Variants in KCNMB1 observed in about 807,000 individuals in gnomAD.
KCNMB1 encodes calcium-activated potassium channel subunit beta-1.
Under a neutral mutation model 21.7 loss-of-function variants are expected in KCNMB1, and 22 were observed. That is an observed-to-expected ratio of 1.01 (90% confidence interval 0.72 to 1.45). The LOEUF (loss-of-function observed/expected upper bound fraction) is 1.45. Ranked by LOEUF, KCNMB1 falls within the 40% of genes most tolerant of loss-of-function variation. KCNMB1 has a pLI of 0.00. For synonymous variants in KCNMB1, 114 were observed against 107.6 expected (o/e 1.06, Z -0.37); for missense variants, 243 against 243.4 (o/e 1.00, Z 0.01).
rs1366552447 is a variant in KCNMB1, at chr5:170,383,673, C to T, written c.306+6G>A. 1 of 1,614,124 alleles carries T rather than the reference C, an allele frequency of 6.2e-7. No individual in the cohort carries two copies. Among genetic ancestry groups the T allele is most frequent in the Admixed American group, 1.7e-5 (1 of 60,018 alleles). ...GGGATGTGTCCCCATCCCTCCAGTTCAGTACCTGCTGGTTCTGGTCCCGAG... is the reference window on the plus strand; with the variant it reads ...GGGATGTGTCCCCATCCCTCCAGTTTAGTACCTGCTGGTTCTGGTCCCGAG... On this transcript the variant is annotated splice_donor_region_variant and intron_variant, in intron 3 of 3. Coordinates refer to ENST00000274629, the MANE Select transcript of KCNMB1 (RefSeq NM_004137.4).
rs1035501533 is a variant in KCNMB1 at position 170,376,538 on chromosome 5, C to T, written c.*2166G>A. On this transcript the variant is annotated 3_prime_UTR_variant, in exon 4 of 4. Transcript: ENST00000274629. Reference sequence around the variant, plus strand: ...CTCCTACCTCCCGCCCTCCAATAGGCCTCAGTGTGTGTTGTTCCCCTCTTT... The same window carrying T: ...CTCCTACCTCCCGCCCTCCAATAGGTCTCAGTGTGTGTTGTTCCCCTCTTT... 6 of 152,100 alleles carry T rather than the reference C, an allele frequency of 3.9e-5. No individual in the cohort carries two copies. The highest frequency in any genetic ancestry group is 1.4e-4 in the African/African-American group (6 of 41,388). The allele number at this position is 152,100 out of a possible 1,614,324, so 9.4% of individuals were successfully genotyped here.
chr5:170,383,335 A>G, intron 3 of KCNMB1: 4 of 567,662 alleles, frequency 7.0e-6, no homozygotes, highest in East Asian at 5.7e-5. Flanking sequence ...TTGAGTGCCC[A>G]CTATCCACTC....
chr5:170,380,973 A>G (rs561621704), intron 3 of KCNMB1, among the ~76,000 whole-genome samples: 40 of 152,376 alleles, frequency 2.6e-4, no homozygotes, highest in African/African-American at 9.1e-4. Flanking sequence ...TAAGAACTCA[A>G]AAAAGTGGAA....
chr5:170,385,253 T>C, intron 2 of KCNMB1, 61 bp downstream of exon 2: 1 of 1,596,506 alleles, frequency 6.3e-7, no homozygotes, highest in Non-Finnish European at 8.6e-7. Context: ...CCAGGGTTCC[T>C]TACAGATGCC....
Position 170,383,786 on chromosome 5 carries a change from T to G in KCNMB1, c.199A>C (p.Lys67Gln). Residue 67 changes from lysine to glutamine, a missense_variant, in exon 3 of 4, where the codon AAG becomes CAG. Lys to Gln is a moderately conservative substitution (Grantham distance 53). Coordinates refer to ENST00000274629, the MANE Select transcript of KCNMB1 (RefSeq NM_004137.4). ...GGGTACTGGGGCACCTTCTTGCCCTTCAGCTCCTCCTGGTCCCTGATGTTG... is the reference window on the plus strand; with the variant it reads ...GGGTACTGGGGCACCTTCTTGCCCTGCAGCTCCTCCTGGTCCCTGATGTTG... ...ETNIRDQEELKGKKVPQYPCL... is the reference protein window; with the variant it reads ...ETNIRDQEELQGKKVPQYPCL... The G allele has an allele frequency of 6.2e-7, 1 of 1,614,076 alleles. No homozygotes were observed. Among genetic ancestry groups the G allele is most frequent in the Non-Finnish European group, 8.5e-7 (1 of 1,179,976 alleles).
chr5:170,385,305 G>A lies in KCNMB1; in HGVS notation c.134+9C>T, dbSNP rs371663057. 6.2e-7 allele frequency: 1 copy of A among 1,613,972 alleles called. No individual in the cohort carries two copies. Among genetic ancestry groups the A allele is most frequent in the African/African-American group, 1.3e-5 (1 of 74,918 alleles). ...GTTGGGGGGTGGGCAGGCCGGGAGA[G>A]CTCAGTACCTTTTCTGGTAGAGGGG... On this transcript the variant is annotated intron_variant, in intron 2 of 3. Coordinates refer to ENST00000274629, the MANE Select transcript of KCNMB1 (RefSeq NM_004137.4).
chr5:170,385,518 G>T, intron 1 of KCNMB1, 47 bp from the exon 2 acceptor site: 1 of 1,556,914 alleles, frequency 6.4e-7, no homozygotes, highest in Non-Finnish European at 8.8e-7. Flanking sequence ...CAGTTCACAG[G>T]TGATCCACAG....
Position 170,378,676 on chromosome 5 carries a change from A to T in KCNMB1, c.*28T>A. ...GGCCCAGCCAGTCCCCTGTGCCCTG[A>T]CAAGTGGTATGGCATGGATGGATGG... is the stretch of plus-strand genomic sequence containing the variant. On this transcript the variant is annotated 3_prime_UTR_variant, in exon 4 of 4. Transcript: ENST00000274629. The T allele has an allele frequency of 6.3e-7, 1 of 1,576,126 alleles. No homozygotes were observed.
At chr5:170,379,043 G>A (rs1764130060) in intron 3 of KCNMB1, 70 bp from the exon 4 acceptor site, 4 of 1,546,082 alleles carry the variant, frequency 2.6e-6, no homozygotes, top group Non-Finnish European at 3.5e-6. Flanking sequence ...TTGATATGGA[G>A]TAAAGAAAAA....
chr5:170,388,560 G>T (rs1184218112), intron 1 of KCNMB1, among the ~76,000 whole-genome samples: 3 of 152,216 alleles, frequency 2.0e-5, no homozygotes, highest in Non-Finnish European at 4.4e-5. Context: ...ATTCAGAGAA[G>T]ATGGAGAAGG....
intron 2 of KCNMB1, among the ~76,000 whole-genome samples, chr5:170,384,500 G>A (rs1764385094): frequency 6.6e-6 from 1 of 152,240 alleles, no homozygotes; most frequent in African/African-American, 2.4e-5. Context: ...GTTGTGAAGA[G>A]TGAGGCTGCA....
rs536819245 is a variant in KCNMB1 at position 170,376,801 on chromosome 5, G to T, written c.*1903C>A. 2 of 152,060 alleles carry T rather than the reference G, an allele frequency of 1.3e-5. No homozygotes were observed. The highest frequency in any genetic ancestry group is 2.4e-5 in the African/African-American group (1 of 41,458). The allele number at this position is 152,060 out of a possible 1,614,324, so 9.4% of individuals were successfully genotyped here. ...TAATACCTGGGTGATGAAATAATCTGCACAACAAACTCCCTTGACACAAGT... is the reference window on the plus strand; with the variant it reads ...TAATACCTGGGTGATGAAATAATCTTCACAACAAACTCCCTTGACACAAGT... On this transcript the variant is annotated 3_prime_UTR_variant, in exon 4 of 4. Coordinates refer to ENST00000274629, the MANE Select transcript of KCNMB1 (RefSeq NM_004137.4).
chr5:170,380,625 G>C (rs950009645), intron 3 of KCNMB1, among the ~76,000 whole-genome samples: 1 of 152,226 alleles, frequency 6.6e-6, no homozygotes, highest in Non-Finnish European at 1.5e-5. Context: ...TGAGGCTGGG[G>C]AGACGCTGGC....
rs1763987027 is a variant in KCNMB1 at position 170,376,023 on chromosome 5, A to T, written c.*2681T>A. Reference sequence around the variant, plus strand: ...TCATCTGTGAGGCAGGTTCAGGAGTATCTCATTTTTTTTTCCAAGGCAAAC... The same window carrying T: ...TCATCTGTGAGGCAGGTTCAGGAGTTTCTCATTTTTTTTTCCAAGGCAAAC... On this transcript the variant is annotated 3_prime_UTR_variant, in exon 4 of 4. Coordinates refer to ENST00000274629, the MANE Select transcript of KCNMB1 (RefSeq NM_004137.4). 1 of 152,086 alleles carries T rather than the reference A, an allele frequency of 6.6e-6. No homozygotes were observed. Among genetic ancestry groups the T allele is most frequent in the South Asian group, 2.1e-4 (1 of 4,830 alleles). The allele number at this position is 152,086 out of a possible 1,614,324, so 9.4% of individuals were successfully genotyped here. A position where few individuals can be genotyped will look rare whatever the true frequency, so the allele number is the denominator to read the frequency against.
chr5:170,387,272 T>C (rs1764514059), intron 1 of KCNMB1, among the ~76,000 whole-genome samples: 1 of 152,104 alleles, frequency 6.6e-6, no homozygotes, highest in Admixed American at 6.5e-5. Flanking sequence ...CATATTATGG[T>C]TTTTGTTTGT....
At position 170,377,637 on chromosome 5, in the gene KCNMB1, A is replaced by G. The variant is rs77069032; in HGVS notation, c.*1067T>C. ...CACCAGGCTGGAGTGCAGTGGCACA[A>G]TCTCGGCTCACTGCAAGCTCCGAAC... On this transcript the variant is annotated 3_prime_UTR_variant, in exon 4 of 4. Coordinates refer to ENST00000274629, the MANE Select transcript of KCNMB1 (RefSeq NM_004137.4). 0.069 allele frequency: 10,405 copies of G among 151,872 alleles called. 436 individuals carry two copies. Among genetic ancestry groups the G allele is most frequent in the Middle Eastern group, 0.15 (45 of 294 alleles). 9.4% of individuals were successfully genotyped at this position (151,872 alleles called of 1,614,324 possible).
At chr5:170,386,127 A>AC (rs926443302) in intron 1 of KCNMB1, among the ~76,000 whole-genome samples, 4 of 152,060 alleles carry the variant, frequency 2.6e-5, no homozygotes, top group African/African-American at 7.3e-5. Context: ...TCCGTCAAAA[A>AC]AAAAAACAAA....
chr5:170,383,718 C>T lies in KCNMB1; in HGVS notation c.267G>A (p.Val89=), dbSNP rs1334108122. ...VNVSAAGRWA[V]LYHTEDTRDQ... The stretch of plus-strand genomic sequence containing the variant: ...CCCGAGTGTCCTCCGTGTGGTACAG[C>T]ACAGCCCACCTGCCGGCAGCTGACA... Residue 89 remains valine (V), a synonymous_variant, in exon 3 of 4, where the codon GTG becomes GTA. Transcript: ENST00000274629. The T allele has an allele frequency of 5.0e-6, 8 of 1,614,076 alleles. No individual in the cohort carries two copies. Among genetic ancestry groups the T allele is most frequent in the African/African-American group, 1.3e-5 (1 of 74,922 alleles).
chr5:170,380,356 C>T (rs1764190366), intron 3 of KCNMB1, among the ~76,000 whole-genome samples: 1 of 152,232 alleles, frequency 6.6e-6, no homozygotes, highest in African/African-American at 2.4e-5. Context: ...GTGATTCCTT[C>T]ATGCACTTAA....
Sources: gnomAD v4.1 joint callset for allele counts (sites outside exome capture counted in the v4.1 genomes callset) on GRCh38, gnomAD v4.1.1 for gene constraint, MANE v1.5 for transcripts, NCBI Gene and HGNC (gene_info 2026-07-23, HGNC 2026-07-21) for gene names.